Variants in OSBPL10 observed in about 807,000 individuals in gnomAD.
The protein encoded by OSBPL10 is oxysterol-binding protein-related protein 10.
A neutral mutation model predicts 81.7 loss-of-function variants in OSBPL10; 49 were observed. That is an observed-to-expected ratio of 0.60 (90% CI 0.48 to 0.76). OSBPL10 has a LOEUF of 0.76. Ranked by LOEUF, OSBPL10 falls within the 30% of genes least tolerant of loss-of-function variation. The pLI, the probability that OSBPL10 is intolerant of heterozygous loss-of-function variation, is 0.00. For missense variants in OSBPL10, 923 were observed against 987.8 expected, an observed-to-expected ratio of 0.93 and a Z score of 0.88; for synonymous variants, 419 against 383.6, an observed-to-expected ratio of 1.09 and a Z score of -1.08.
At chr3:31,805,161 CT>C (rs1363067781) in intron 4 of OSBPL10, among the ~76,000 whole-genome samples, 2 of 152,128 alleles carry the variant, frequency 1.3e-5, no homozygotes, top group Non-Finnish European at 1.5e-5. Flanking sequence ...ACCATGCAAG[CT>C]TTTTCACGGA....
At chr3:31,680,056 T>TG (rs2125538849) in intron 8 of OSBPL10, among the ~76,000 whole-genome samples, 1 of 152,184 alleles carries the variant, frequency 6.6e-6, no homozygotes, top group Admixed American at 6.5e-5. Flanking sequence ...ACCCAAACAG[T>TG]GCTGCACGGT....
chr3:31,746,336 G>GTATA (rs907457287), intron 5 of OSBPL10, among the ~76,000 whole-genome samples: 1 of 152,118 alleles, frequency 6.6e-6, no homozygotes, highest in African/African-American at 2.4e-5. Flanking sequence ...GAGTCGCTGG[G>GTATA]TATAATGTGG....
intron 3 of OSBPL10, among the ~76,000 whole-genome samples, chr3:31,834,631 TG>T (rs1387077754): frequency 6.6e-6 from 1 of 152,228 alleles, no homozygotes; most frequent in Non-Finnish European, 1.5e-5. Context: ...TTGAATCTAC[TG>T]GCCAAAACTG....
At chr3:31,739,573 C>T (rs1697278564) in intron 5 of OSBPL10, among the ~76,000 whole-genome samples, 1 of 152,208 alleles carries the variant, frequency 6.6e-6, no homozygotes, top group Non-Finnish European at 1.5e-5. Flanking sequence ...GAGACCACTG[C>T]TAAAAGAAGT....
chr3:31,970,385 C>T lies in OSBPL10; in HGVS notation c.281+10514G>A, dbSNP rs532929798. Among the ~76,000 whole-genome samples the T allele has an allele frequency of 5.3e-5, 8 of 152,294 alleles. No homozygotes were observed. In the South Asian group the frequency reaches 1.7e-3, roughly 32 times the overall value. ...AGACGGCTGCTGAAATTCCAGCCAT[C>T]ATTTCCATATTCTAGTTTTGGCCAG... On this transcript the variant is annotated intron_variant, in intron 1 of 11. Coordinates refer to ENST00000396556, the MANE Select transcript of OSBPL10 (RefSeq NM_017784.5).
At chr3:31,719,246 G>C (rs7650117) in intron 6 of OSBPL10, among the ~76,000 whole-genome samples, 2 of 152,022 alleles carry the variant, frequency 1.3e-5, no homozygotes, top group Non-Finnish European at 2.9e-5. Context: ...CAGTGGGGAC[G>C]TAATCATGTT....
At chr3:31,778,520 T>C (rs972071303) in intron 4 of OSBPL10, among the ~76,000 whole-genome samples, 16 of 151,870 alleles carry the variant, frequency 1.1e-4, no homozygotes, top group Non-Finnish European at 2.2e-4. Context: ...AAAAAGAATT[T>C]TAAAAAATGA....
intron 4 of OSBPL10, among the ~76,000 whole-genome samples, chr3:31,780,482 A>G (rs1318915075): frequency 6.6e-6 from 1 of 151,696 alleles, no homozygotes; most frequent in Middle Eastern, 3.2e-3. Context: ...ATAGAACTAA[A>G]TGAAATTGAA....
intron 2 of OSBPL10, among the ~76,000 whole-genome samples, chr3:32,001,147 A>G (rs1165420431): frequency 6.6e-6 from 1 of 152,150 alleles, no homozygotes; most frequent in Non-Finnish European, 1.5e-5. Flanking sequence ...CCTGTGCTTT[A>G]TGGCATAAGC....
chr3:31,663,294 T>G, intron 11 of OSBPL10: 2 of 985,372 alleles, frequency 2.0e-6, no homozygotes, highest in Non-Finnish European at 2.4e-6. Flanking sequence ...CATGAACAAC[T>G]AGACAATCTG....
chr3:31,675,491 G>A (rs1700444451), intron 8 of OSBPL10, among the ~76,000 whole-genome samples: 1 of 152,152 alleles, frequency 6.6e-6, no homozygotes, highest in Non-Finnish European at 1.5e-5. Context: ...AATGGTATCT[G>A]TATCTCCCAT....
chr3:31,922,488 C>A lies in OSBPL10; in HGVS notation c.282-42658G>T, dbSNP rs1007348355. ...ACAAAGTTAGCTGGGTGTGGTGGAG[C>A]GTGCTTGTAATCCCAGTTACTCGAG... is the stretch of plus-strand genomic sequence containing the variant. On this transcript the variant is annotated intron_variant, in intron 1 of 11. Coordinates refer to ENST00000396556, the MANE Select transcript of OSBPL10 (RefSeq NM_017784.5). Among the ~76,000 whole-genome samples, 3 of 152,152 alleles carry A rather than the reference C, an allele frequency of 2.0e-5. No homozygotes were observed. The South Asian group carries it at 6.2e-4, about 32-fold the overall frequency.
chr3:31,990,662 A>G, intron 2 of OSBPL10: 1 of 1,614,216 alleles, frequency 6.2e-7, no homozygotes, highest in Non-Finnish European at 8.5e-7. Flanking sequence ...CTTGCACGTC[A>G]TCATAGACTT....
chr3:31,806,334 A>C (rs1207692334), intron 4 of OSBPL10, among the ~76,000 whole-genome samples: 1 of 152,208 alleles, frequency 6.6e-6, no homozygotes, highest in Non-Finnish European at 1.5e-5. Flanking sequence ...ACAAATGTTC[A>C]CAGACAAGAC....
intron 1 of OSBPL10, among the ~76,000 whole-genome samples, chr3:31,901,347 C>T (rs1268608139): frequency 6.6e-6 from 1 of 152,214 alleles, no homozygotes; most frequent in Non-Finnish European, 1.5e-5. Context: ...CATGATGTAG[C>T]TCAGCTCACC....
chr3:31,710,009 G>C (rs1444880154), intron 6 of OSBPL10, among the ~76,000 whole-genome samples: 1 of 152,226 alleles, frequency 6.6e-6, no homozygotes, highest in Non-Finnish European at 1.5e-5. Context: ...GGAAGCTCAT[G>C]AGTATTTGGG....
chr3:31,752,762 T>C (rs1209741951), intron 4 of OSBPL10, among the ~76,000 whole-genome samples: 1 of 152,178 alleles, frequency 6.6e-6, no homozygotes, highest in Non-Finnish European at 1.5e-5. Flanking sequence ...TGCTTCGGAT[T>C]TTTCTGAGCT....
chr3:31,994,264 T>C (rs1559545733), intron 2 of OSBPL10, among the ~76,000 whole-genome samples: 1 of 152,152 alleles, frequency 6.6e-6, no homozygotes, highest in Non-Finnish European at 1.5e-5. Context: ...TAGACAGAAA[T>C]GTATTTGAAC....
chr3:31,812,352 G>T (rs1450039155), intron 4 of OSBPL10, among the ~76,000 whole-genome samples: 1 of 152,168 alleles, frequency 6.6e-6, no homozygotes, highest in Non-Finnish European at 1.5e-5. Flanking sequence ...TATTATAACA[G>T]ATAATTTAAT....
Sources: gnomAD v4.1 joint callset for allele counts (sites outside exome capture counted in the v4.1 genomes callset) on GRCh38, gnomAD v4.1.1 for gene constraint, MANE v1.5 for transcripts, NCBI Gene and HGNC (gene_info 2026-07-23, HGNC 2026-07-21) for gene names.